GRIK2: variants seen among roughly 807,000 people sequenced by gnomAD.
The protein encoded by GRIK2 is glutamate receptor ionotropic, kainate 2.
In GRIK2, 32 loss-of-function variants were observed where a neutral mutation model predicts 100.3. That is an observed-to-expected ratio of 0.32 (90% CI 0.24 to 0.43). The LOEUF (loss-of-function observed/expected upper bound fraction) is 0.43. Among genes scored for constraint, GRIK2 ranks in the 20% least tolerant of loss-of-function variants. The probability of loss-of-function intolerance (pLI) is 1.00; values close to 1 mark genes in which losing one functional copy is unlikely to be tolerated. For missense variants in GRIK2, 843 were observed against 1,114.9 expected (o/e 0.76, Z 3.47); for synonymous variants, 417 against 389.4 (o/e 1.07, Z -0.83).
intron 14 of GRIK2, among the ~76,000 whole-genome samples, chr6:101,973,433 A>G (rs1222147559): frequency 6.6e-6 from 1 of 151,940 alleles, no homozygotes; most frequent in Non-Finnish European, 1.5e-5. Flanking sequence ...GAACATAAAG[A>G]TCTTCTACAA....
At chr6:101,783,619 C>A (rs998161654) in intron 7 of GRIK2, among the ~76,000 whole-genome samples, 3 of 152,124 alleles carry the variant, frequency 2.0e-5, no homozygotes, top group African/African-American at 7.2e-5. Flanking sequence ...TCAAAGTACA[C>A]AGGAAAGTGG....
At chr6:101,652,519 G>C (rs1284976383) in intron 4 of GRIK2, among the ~76,000 whole-genome samples, 1 of 152,092 alleles carries the variant, frequency 6.6e-6, no homozygotes. Context: ...CGGGGGCAAG[G>C]ATTTGATGAT....
intron 2 of GRIK2, among the ~76,000 whole-genome samples, chr6:101,554,152 A>T (rs1447594381): frequency 1.3e-5 from 2 of 152,164 alleles, no homozygotes; most frequent in East Asian, 3.9e-4. Flanking sequence ...TTATGGCTGA[A>T]ATTACAAAGA....
intron 2 of GRIK2, among the ~76,000 whole-genome samples, chr6:101,421,059 A>G (rs1435032894): frequency 6.6e-6 from 1 of 152,120 alleles, no homozygotes; most frequent in Non-Finnish European, 1.5e-5. Flanking sequence ...CTGTCATCTT[A>G]TCTCCAAGGA....
chr6:101,596,068 C>G (rs1778916107), intron 2 of GRIK2, among the ~76,000 whole-genome samples: 1 of 150,920 alleles, frequency 6.6e-6, no homozygotes, highest in Non-Finnish European at 1.5e-5. Flanking sequence ...GTTCTAGCCT[C>G]ATGAATCACA....
chr6:101,722,609 CCTT>C (rs1447112037), intron 7 of GRIK2, among the ~76,000 whole-genome samples: 1 of 152,028 alleles, frequency 6.6e-6, no homozygotes, highest in African/African-American at 2.4e-5. Flanking sequence ...TAAGGCTTCA[CCTT>C]CTTCTCAACC....
At chr6:101,868,606 G>T (rs781519466) in intron 11 of GRIK2, among the ~76,000 whole-genome samples, 2 of 151,290 alleles carry the variant, frequency 1.3e-5, no homozygotes, top group Non-Finnish European at 3.0e-5. Context: ...TTTCTTTAGA[G>T]CATAGAGCAA....
At chr6:101,400,872 T>C (rs1443935725) in intron 2 of GRIK2, among the ~76,000 whole-genome samples, 1 of 152,216 alleles carries the variant, frequency 6.6e-6, no homozygotes, top group African/African-American at 2.4e-5. Flanking sequence ...CATGCTTTTT[T>C]CATGCCTTTA....
chr6:101,484,743 T>C (rs1158625603), intron 2 of GRIK2, among the ~76,000 whole-genome samples: 2 of 152,120 alleles, frequency 1.3e-5, no homozygotes, highest in East Asian at 3.8e-4. Context: ...TGAGGTAAAG[T>C]ACATTTTTTA....
At chr6:101,692,364 T>C (rs1772171218) in intron 7 of GRIK2, among the ~76,000 whole-genome samples, 1 of 152,106 alleles carries the variant, frequency 6.6e-6, no homozygotes. Context: ...AATGAATTGA[T>C]GAATTAACTT....
At chr6:101,639,867 A>G (rs896248028) in intron 4 of GRIK2, among the ~76,000 whole-genome samples, 1 of 152,186 alleles carries the variant, frequency 6.6e-6, no homozygotes, top group Non-Finnish European at 1.5e-5. Context: ...TCAGTGACTC[A>G]AAAAGGAACC....
chr6:101,860,414 T>C (rs1386990599), intron 11 of GRIK2, among the ~76,000 whole-genome samples: 1 of 152,124 alleles, frequency 6.6e-6, no homozygotes, highest in Non-Finnish European at 1.5e-5. Context: ...GGAGAAGTCA[T>C]GAATATTTAT....
chr6:101,858,827 G>A (rs1025951438), intron 10 of GRIK2, among the ~76,000 whole-genome samples: 1 of 151,598 alleles, frequency 6.6e-6, no homozygotes, highest in Admixed American at 6.6e-5. Context: ...CACATAGTAG[G>A]CAATTAGTCA....
intron 7 of GRIK2, among the ~76,000 whole-genome samples, chr6:101,770,310 G>A (rs946741504): frequency 2.0e-4 from 30 of 151,958 alleles, no homozygotes; most frequent in Non-Finnish European, 2.9e-4. Flanking sequence ...TTGCCCATAC[G>A]TCACCACCCT....
chr6:101,518,794 G>A (rs1014699598), intron 2 of GRIK2, among the ~76,000 whole-genome samples: 2 of 152,086 alleles, frequency 1.3e-5, no homozygotes, highest in African/African-American at 4.8e-5. Flanking sequence ...TTATTTGGTC[G>A]ATGTCCTGAA....
intron 12 of GRIK2, among the ~76,000 whole-genome samples, chr6:101,905,102 A>G (rs1788134520): frequency 6.6e-6 from 1 of 151,576 alleles, no homozygotes; most frequent in African/African-American, 2.4e-5. Context: ...GAAGTAGTGA[A>G]TTCAGTTCAT....
At chr6:101,402,617 C>A (rs918487652) in intron 2 of GRIK2, among the ~76,000 whole-genome samples, 1 of 152,204 alleles carries the variant, frequency 6.6e-6, no homozygotes, top group African/African-American at 2.4e-5. Flanking sequence ...TGTCACCCCG[C>A]CTTTGATCCT....
intron 16 of GRIK2, 45 bp from the exon 17 acceptor site, chr6:102,068,302 G>A (rs770238918): frequency 2.9e-6 from 4 of 1,388,556 alleles, no homozygotes; most frequent in African/African-American, 1.4e-5. Context: ...GACAGTTACA[G>A]TTTATGTATC....
At chr6:101,505,388 C>A (rs535230071) in intron 2 of GRIK2, among the ~76,000 whole-genome samples, 1 of 152,162 alleles carries the variant, frequency 6.6e-6, no homozygotes, top group African/African-American at 2.4e-5. Context: ...TTAGGGAAGC[C>A]TGAAGAGTGT....
Sources: allele counts gnomAD v4.1 joint callset (sites outside exome capture counted in the v4.1 genomes callset), GRCh38; gene constraint gnomAD v4.1.1; transcripts MANE v1.5; gene names NCBI Gene and HGNC (gene_info 2026-07-23, HGNC 2026-07-21).